SGCD: variants seen among roughly 807,000 people sequenced by gnomAD.
SGCD encodes the protein sarcoglycan delta, also known as delta-sarcoglycan.
A neutral mutation model predicts 36.6 loss-of-function variants in SGCD; 18 were observed. The ratio of observed to expected loss-of-function variants is 0.49; its 90% confidence interval spans 0.34 to 0.73. The LOEUF (loss-of-function observed/expected upper bound fraction) is 0.73, where lower values mean the gene tolerates loss of function less well. SGCD is among the 30% of genes least tolerant of loss of function. The pLI is 0.01. For synonymous variants in SGCD, 133 were observed against 130.6 expected, an observed-to-expected ratio of 1.02 and a Z score of -0.12; for missense variants, 387 against 346.7, an observed-to-expected ratio of 1.12 and a Z score of -0.92.
chr5:155,799,875 C>CTGG, the SGCD span, among the ~76,000 whole-genome samples: 1 of 128,760 alleles, frequency 7.8e-6, no homozygotes, highest in East Asian at 2.5e-4. Context: ...CTGGAGTGCA[C>CTGG]TGGTGTGATC....
intron 3 of SGCD, among the ~76,000 whole-genome samples, chr5:156,245,010 T>C (rs971084364): frequency 2.3e-4 from 35 of 152,234 alleles, no homozygotes; most frequent in African/African-American, 8.2e-4. Flanking sequence ...ATTTTTCAGC[T>C]GTAACCACAA....
intron 7 of SGCD, among the ~76,000 whole-genome samples, chr5:156,718,187 T>G (rs1755312587): frequency 6.6e-6 from 1 of 152,156 alleles, no homozygotes; most frequent in Non-Finnish European, 1.5e-5. Context: ...TTCCATGCCA[T>G]GTTCTTCTCT....
intron 4 of SGCD, among the ~76,000 whole-genome samples, chr5:156,517,677 T>C (rs1158415123): frequency 6.6e-6 from 1 of 152,138 alleles, no homozygotes; most frequent in Admixed American, 6.5e-5. Context: ...CTAGAAGAGA[T>C]TGTGGGCCAA....
chr5:156,497,546 G>A (rs1581079061), intron 3 of SGCD, among the ~76,000 whole-genome samples: 1 of 151,894 alleles, frequency 6.6e-6, no homozygotes, highest in Non-Finnish European at 1.5e-5. Context: ...TTACAGTTTT[G>A]ATCCACTGAG....
chr5:155,969,628 G>C (rs954565570), intron 1 of SGCD, among the ~76,000 whole-genome samples: 1 of 152,228 alleles, frequency 6.6e-6, no homozygotes, highest in African/African-American at 2.4e-5. Flanking sequence ...TCTGCGCCCT[G>C]TGTGTCTGAC....
chr5:156,616,513 C>A (rs943490663), intron 6 of SGCD, among the ~76,000 whole-genome samples: 3 of 152,156 alleles, frequency 2.0e-5, no homozygotes, highest in African/African-American at 7.2e-5. Context: ...GTATATGAGA[C>A]AGTGGAACCC....
At chr5:155,969,737 T>C (rs182962761) in intron 1 of SGCD, among the ~76,000 whole-genome samples, 1 of 152,202 alleles carries the variant, frequency 6.6e-6, no homozygotes, top group East Asian at 1.9e-4. Context: ...GAGCATGACG[T>C]GGGCTAGTGT....
chr5:156,181,244 G>A (rs1412101429), intron 3 of SGCD, among the ~76,000 whole-genome samples: 2 of 152,058 alleles, frequency 1.3e-5, no homozygotes, highest in South Asian at 2.1e-4. Flanking sequence ...CTAATAATTA[G>A]CAATACAACT....
At chr5:156,597,607 C>T (rs375683047) in intron 6 of SGCD, among the ~76,000 whole-genome samples, 8 of 152,246 alleles carry the variant, frequency 5.3e-5, no homozygotes, top group East Asian at 1.9e-4. Flanking sequence ...CAGATTTGAG[C>T]GGAGACACAG....
At chr5:156,578,799 C>A (rs1157660279) in intron 4 of SGCD, among the ~76,000 whole-genome samples, 1 of 152,094 alleles carries the variant, frequency 6.6e-6, no homozygotes, top group African/African-American at 2.4e-5. Context: ...TTTGAGTCTT[C>A]TCTCTTTTCT....
In SGCD at chr5:155,894,308, T is replaced by C. The variant is rs1237262778; in HGVS notation, c.-282+23884T>C. 2.6e-5 allele frequency among the ~76,000 whole-genome samples: 4 copies of C among 152,228 alleles called. No homozygotes were observed. In the East Asian group the frequency reaches 7.7e-4, roughly 29 times the overall value. The stretch of plus-strand genomic sequence containing the variant: ...TTTCATCAGTAGGCAATAGAAATTT[T>C]TCGGCTCCATTATAATCTTATGGGA... On this transcript the variant is annotated intron_variant, in intron 1 of 9. Transcript: ENST00000517913.
intron 3 of SGCD, among the ~76,000 whole-genome samples, chr5:156,436,350 G>T (rs1470271217): frequency 1.3e-5 from 2 of 152,184 alleles, no homozygotes; most frequent in African/African-American, 4.8e-5. Flanking sequence ...TGTATTTGTT[G>T]AATGAATAAA....
chr5:156,233,102 T>A (rs1006193523), intron 3 of SGCD, among the ~76,000 whole-genome samples: 3 of 152,196 alleles, frequency 2.0e-5, no homozygotes, highest in African/African-American at 7.2e-5. Context: ...AAATTGTAAT[T>A]CATTTCAATT....
the SGCD span, among the ~76,000 whole-genome samples, chr5:155,734,154 T>C: frequency 6.8e-6 from 1 of 147,482 alleles, no homozygotes; most frequent in South Asian, 2.1e-4. Context: ...ATTAATAATG[T>C]TACTGTTATT....
chr5:156,098,630 G>A (rs1023698674), intron 1 of SGCD, among the ~76,000 whole-genome samples: 1 of 131,052 alleles, frequency 7.6e-6, no homozygotes, highest in African/African-American at 3.4e-5. Flanking sequence ...TATTTATGTT[G>A]CATGTGTATA....
At chr5:156,146,306 T>A (rs1321458351) in intron 3 of SGCD, among the ~76,000 whole-genome samples, 1 of 152,232 alleles carries the variant, frequency 6.6e-6, no homozygotes, top group Admixed American at 6.5e-5. Context: ...GCATACTACC[T>A]GGTTCTCCAA....
chr5:156,177,063 G>A (rs1485017260), intron 3 of SGCD, among the ~76,000 whole-genome samples: 3 of 152,118 alleles, frequency 2.0e-5, no homozygotes, highest in African/African-American at 7.2e-5. Context: ...GTGAGGTGAC[G>A]TGATCTCGGC....
chr5:156,321,610 T>C (rs1767671948), intron 3 of SGCD, among the ~76,000 whole-genome samples: 1 of 152,118 alleles, frequency 6.6e-6, no homozygotes. Context: ...GACCCTTTCT[T>C]TTTGCCTCCA....
At chr5:155,941,952 A>T (rs1273051258) in intron 1 of SGCD, among the ~76,000 whole-genome samples, 1 of 152,190 alleles carries the variant, frequency 6.6e-6, no homozygotes, top group Non-Finnish European at 1.5e-5. Context: ...TAGTGCAGAG[A>T]AGGTCACCCA....
Sources: gnomAD v4.1 joint callset for allele counts (sites outside exome capture counted in the v4.1 genomes callset) on GRCh38, gnomAD v4.1.1 for gene constraint, MANE v1.5 for transcripts, NCBI Gene and HGNC (gene_info 2026-07-23, HGNC 2026-07-21) for gene names.